MAPK14: variants seen among roughly 807,000 people sequenced by gnomAD.
MAPK14 encodes the protein CSAID-binding protein.
A neutral mutation model predicts 49.6 loss-of-function variants in MAPK14; 16 were observed. That is an observed-to-expected ratio of 0.32 (90% CI 0.22 to 0.49). The LOEUF (loss-of-function observed/expected upper bound fraction) is 0.49, where lower values mean the gene tolerates loss of function less well. Ranked by LOEUF, MAPK14 falls within the 20% of genes least tolerant of loss-of-function variation. MAPK14 has a pLI of 0.99. For synonymous variants in MAPK14, 142 were observed against 158.0 expected, an observed-to-expected ratio of 0.90 and a Z score of 0.76; for missense variants, 200 against 441.2, an observed-to-expected ratio of 0.45 and a Z score of 4.90.
the MAPK14 span, among the ~76,000 whole-genome samples, chr6:36,121,302 C>T: frequency 1.3e-5 from 2 of 152,138 alleles, no homozygotes. Flanking sequence ...TGAGAGCTAC[C>T]GGGGGTGGGG....
At chr6:36,044,952 G>A (rs927922097) in intron 1 of MAPK14, among the ~76,000 whole-genome samples, 1 of 152,076 alleles carries the variant, frequency 6.6e-6, no homozygotes, top group African/African-American at 2.4e-5. Context: ...AGGGAACATA[G>A]TGGGACCCTG....
chr6:36,077,064 ATGTT>A (rs772177930), intron 8 of MAPK14, among the ~76,000 whole-genome samples: 23 of 152,200 alleles, frequency 1.5e-4, no homozygotes, highest in Admixed American at 7.2e-4. Flanking sequence ...CTTACTTGTT[ATGTT>A]TGTTGTTTGA....
chr6:36,084,622 A>G (rs894512883), intron 8 of MAPK14, among the ~76,000 whole-genome samples: 1 of 151,966 alleles, frequency 6.6e-6, no homozygotes, highest in African/African-American at 2.4e-5. Flanking sequence ...TGCTGACAAG[A>G]TAAGAGAAGA....
At chr6:36,072,505 G>A (rs1221768265) in intron 3 of MAPK14, among the ~76,000 whole-genome samples, 2 of 151,942 alleles carry the variant, frequency 1.3e-5, no homozygotes, top group African/African-American at 4.8e-5. Context: ...GGTGGCTCAC[G>A]CTTGTAATCC....
At chr6:36,101,042 A>G (rs1490078887) in intron 9 of MAPK14, among the ~76,000 whole-genome samples, 1 of 152,204 alleles carries the variant, frequency 6.6e-6, no homozygotes, top group Non-Finnish European at 1.5e-5. Context: ...GAAAGGGATT[A>G]CAGCCATTTA....
intron 8 of MAPK14, among the ~76,000 whole-genome samples, chr6:36,091,769 T>C (rs967594687): frequency 1.3e-5 from 2 of 152,166 alleles, no homozygotes; most frequent in African/African-American, 4.8e-5. Flanking sequence ...TGGAGTATGG[T>C]CATTCTGTGT....
chr6:36,088,405 T>C (rs935542253), intron 8 of MAPK14, among the ~76,000 whole-genome samples: 1 of 151,972 alleles, frequency 6.6e-6, no homozygotes, highest in Non-Finnish European at 1.5e-5. Flanking sequence ...TTTAAACAAA[T>C]TTACAAGGAA....
chr6:36,064,068 G>GTA (rs1381422261), intron 3 of MAPK14, among the ~76,000 whole-genome samples: 20 of 142,230 alleles, frequency 1.4e-4, no homozygotes, highest in African/African-American at 5.7e-4. Flanking sequence ...TTTTCTTTGT[G>GTA]TGTGTGTGTG....
At chr6:36,120,560 T>C in the MAPK14 span, among the ~76,000 whole-genome samples, 1 of 152,196 alleles carries the variant, frequency 6.6e-6, no homozygotes, top group Non-Finnish European at 1.5e-5. Context: ...CTTTTCTTTA[T>C]TGATACAGAT....
At chr6:36,047,884 T>A (rs1238878654) in intron 1 of MAPK14, among the ~76,000 whole-genome samples, 1 of 152,008 alleles carries the variant, frequency 6.6e-6, no homozygotes, top group Non-Finnish European at 1.5e-5. Flanking sequence ...TACAGGTGCC[T>A]GCCACCACAC....
intron 8 of MAPK14, among the ~76,000 whole-genome samples, chr6:36,081,858 G>A (rs993505810): frequency 1.3e-5 from 2 of 151,952 alleles, no homozygotes; most frequent in Admixed American, 1.3e-4. Context: ...CCACTATTAA[G>A]TCATCCTGTT....
chr6:36,120,449 C>T, the MAPK14 span, among the ~76,000 whole-genome samples: 50 of 151,804 alleles, frequency 3.3e-4, no homozygotes, highest in Admixed American at 5.3e-4. Context: ...GGCTGGCCAT[C>T]CGGAACATAC....
Position 36,045,228 on chromosome 6 carries a change from G to C in MAPK14, c.117-7471G>C, listed in dbSNP as rs1763126962. 2.0e-5 allele frequency among the ~76,000 whole-genome samples: 3 copies of C among 152,064 alleles called. No homozygotes were observed. The East Asian group carries it at 5.8e-4, about 29-fold the overall frequency. On this transcript the variant is annotated intron_variant, in intron 1 of 11. Coordinates refer to ENST00000229794, the MANE Select transcript of MAPK14 (RefSeq NM_139012.3). ...CCTTACGACAGCAATCTGTACTGAT[G>C]GATGCTCTAAAAAGAAAACCATCTG...
chr6:36,100,185 A>G (rs1765585551), intron 9 of MAPK14: 1 of 1,603,526 alleles, frequency 6.2e-7, no homozygotes, highest in Non-Finnish European at 8.5e-7. Flanking sequence ...CTAGGCATCT[A>G]AGATATTAAC....
At chr6:36,117,255 C>T in the MAPK14 span, among the ~76,000 whole-genome samples, 1 of 152,200 alleles carries the variant, frequency 6.6e-6, no homozygotes, top group Non-Finnish European at 1.5e-5. Flanking sequence ...CAAAAGGGCT[C>T]AAGCCAGCAC....
At chr6:36,033,151 A>G (rs1257595793) in intron 1 of MAPK14, among the ~76,000 whole-genome samples, 1 of 152,230 alleles carries the variant, frequency 6.6e-6, no homozygotes, top group African/African-American at 2.4e-5. Context: ...TTTTCTTTGT[A>G]ACCAAAAGTA....
rs1332412590 is a variant in MAPK14 at position 36,076,574 on chromosome 6, G to A, written c.648G>A (p.Leu216=). Residue 216 remains leucine (L), a synonymous_variant, in exon 8 of 12, where the codon CTG becomes CTA. Coordinates refer to ENST00000229794, the MANE Select transcript of MAPK14 (RefSeq NM_139012.3). The stretch of plus-strand genomic sequence containing the variant: ...CAGTGGGATGCATAATGGCCGAGCT[G>A]TTGACTGGAAGAACATTGTTTCCTG... ...IWSVGCIMAE[L]LTGRTLFPGT... 6.2e-7 allele frequency: 1 copy of A among 1,613,954 alleles called. No homozygotes were observed.
chr6:36,122,618 A>G, the MAPK14 span, among the ~76,000 whole-genome samples: 1 of 152,344 alleles, frequency 6.6e-6, no homozygotes, highest in East Asian at 1.9e-4. Context: ...ACAGGTACAC[A>G]GGGCTTGAAG....
At chr6:36,093,098 G>A (rs376926663) in intron 8 of MAPK14, among the ~76,000 whole-genome samples, 1 of 152,306 alleles carries the variant, frequency 6.6e-6, no homozygotes, top group East Asian at 1.9e-4. Flanking sequence ...AGGCTTGGAA[G>A]GACGGGAGAA....
Sources: allele counts gnomAD v4.1 joint callset (sites outside exome capture counted in the v4.1 genomes callset), GRCh38; gene constraint gnomAD v4.1.1; transcripts MANE v1.5; gene names NCBI Gene and HGNC (gene_info 2026-07-23, HGNC 2026-07-21).